Variants in CDH4 observed in about 807,000 individuals in gnomAD.
CDH4 encodes cadherin 4.
Under a neutral mutation model 86.0 loss-of-function variants are expected in CDH4, and 33 were observed. The observed-to-expected ratio is 0.38, with a 90% CI of 0.29 to 0.51. CDH4 has a LOEUF of 0.51. Ranked by LOEUF, CDH4 falls within the 20% of genes least tolerant of loss-of-function variation. The probability of loss-of-function intolerance (pLI) is 0.86; values close to 1 mark genes in which losing one functional copy is unlikely to be tolerated. For synonymous variants in CDH4, 555 were observed against 549.4 expected, an observed-to-expected ratio of 1.01 and a Z score of -0.14; for missense variants, 1,114 against 1,307.4, an observed-to-expected ratio of 0.85 and a Z score of 2.28.
chr20:61,383,037 G>C (rs1407408240), intron 2 of CDH4, among the ~76,000 whole-genome samples: 1 of 140,412 alleles, frequency 7.1e-6, no homozygotes, highest in Non-Finnish European at 1.5e-5. Flanking sequence ...TTCTCTAGAG[G>C]GACAGAACTA....
intron 2 of CDH4, among the ~76,000 whole-genome samples, chr20:61,443,665 A>G (rs1258451176): frequency 6.6e-6 from 1 of 152,196 alleles, no homozygotes; most frequent in Non-Finnish European, 1.5e-5. Context: ...TTGAGAGAAG[A>G]CTGCTGGCTA....
chr20:61,513,888 C>G (rs1242802042), intron 2 of CDH4, among the ~76,000 whole-genome samples: 1 of 152,150 alleles, frequency 6.6e-6, no homozygotes, highest in Admixed American at 6.5e-5. Context: ...ATCTGGGGTC[C>G]ACTTGCCCAG....
intron 2 of CDH4, among the ~76,000 whole-genome samples, chr20:61,443,964 G>GCATC (rs1344920130): frequency 8.3e-5 from 7 of 84,616 alleles, no homozygotes; most frequent in Admixed American, 1.2e-4. Context: ...GTCTGTGTGT[G>GCATC]TATCTGTGTG....
At position 61,480,295 on chromosome 20, in the gene CDH4, C is replaced by T. The variant is rs1215732072; in HGVS notation, c.169+225358C>T. 6.6e-6 allele frequency among the ~76,000 whole-genome samples: 1 copy of T among 152,140 alleles called. No individual in the cohort carries two copies. Among genetic ancestry groups the T allele is most frequent in the Non-Finnish European group, 1.5e-5 (1 of 68,016 alleles). ...CAAGCGGAAGCCGGGGCAGCTGTGG[C>T]GCCCCCTGGCTGTGTCCTCTGCTTG... On this transcript the variant is annotated intron_variant, in intron 2 of 15. Transcript: ENST00000614565. The surrounding 1 kb of genome is among the most constrained non-coding windows in gnomAD (Gnocchi z 5.2).
chr20:61,590,034 G>T (rs1409214910), intron 2 of CDH4, among the ~76,000 whole-genome samples: 1 of 152,064 alleles, frequency 6.6e-6, no homozygotes, highest in East Asian at 1.9e-4. Context: ...GGCCCTGGGT[G>T]GGGAAGGACT....
chr20:61,694,994 C>T (rs1445273372), intron 2 of CDH4, among the ~76,000 whole-genome samples: 3 of 152,186 alleles, frequency 2.0e-5, no homozygotes, highest in East Asian at 1.9e-4. Flanking sequence ...CAGCATATGG[C>T]ATGAAGTAGG....
chr20:61,441,236 G>A (rs1454292570), intron 2 of CDH4, among the ~76,000 whole-genome samples: 2 of 152,186 alleles, frequency 1.3e-5, no homozygotes, highest in East Asian at 3.9e-4. Context: ...TCTTGGAAGA[G>A]TAACAAGAGA....
rs1039462555 is a variant in CDH4, at chr20:61,708,557, G to GC, written c.170-35000dup. ...CGTAGCCGGTGGCTGCAGGCTCTTT[G>GC]CCCCCCACTTCCCCAGCCCTGCTCC... On this transcript the variant is annotated intron_variant, in intron 2 of 15. Transcript: ENST00000614565. This position sits in a 1 kb window ranked among gnomAD's most constrained non-coding sequence, Gnocchi z 4.5. 2.0e-5 allele frequency among the ~76,000 whole-genome samples: 3 copies of GC among 152,054 alleles called. No individual in the cohort carries two copies. Among genetic ancestry groups the GC allele is most frequent in the Admixed American group, 2.0e-4 (3 of 15,278 alleles).
chr20:61,686,667 A>G (rs914205463), intron 2 of CDH4, among the ~76,000 whole-genome samples: 3 of 133,798 alleles, frequency 2.2e-5, no homozygotes, highest in Non-Finnish European at 4.8e-5. Context: ...ATTCGCGTGT[A>G]TGTGCGTGTG....
chr20:61,478,501 G>T (rs1477970391), intron 2 of CDH4, among the ~76,000 whole-genome samples: 5 of 152,204 alleles, frequency 3.3e-5, no homozygotes, highest in Admixed American at 3.3e-4. Context: ...ACACATGTGT[G>T]TCCAGTGTAG....
chr20:61,714,298 A>G (rs1356882159), intron 2 of CDH4, among the ~76,000 whole-genome samples: 1 of 152,070 alleles, frequency 6.6e-6, no homozygotes, highest in South Asian at 2.1e-4. Context: ...CGCCCGCCTC[A>G]GCTTCCCAAA....
chr20:61,865,907 TTAG>T (rs1983528002), intron 6 of CDH4, among the ~76,000 whole-genome samples: 1 of 149,186 alleles, frequency 6.7e-6, no homozygotes, highest in Non-Finnish European at 1.5e-5. Context: ...AGGTAATGGC[TTAG>T]TTTCCTGGGC....
intron 2 of CDH4, among the ~76,000 whole-genome samples, chr20:61,401,351 G>T (rs555863894): frequency 6.6e-5 from 10 of 151,888 alleles, no homozygotes; most frequent in Non-Finnish European, 1.5e-4. Flanking sequence ...TCCCTGTTGT[G>T]CGTTGAACTA....
intron 2 of CDH4, among the ~76,000 whole-genome samples, chr20:61,563,342 A>G (rs1568687154): frequency 6.6e-6 from 1 of 152,206 alleles, no homozygotes; most frequent in Non-Finnish European, 1.5e-5. Flanking sequence ...GGGAAGAAGG[A>G]CCCTTGTAGG....
chr20:61,907,481 T>A (rs2054802617), intron 8 of CDH4, among the ~76,000 whole-genome samples: 1 of 152,162 alleles, frequency 6.6e-6, no homozygotes, highest in Non-Finnish European at 1.5e-5. Context: ...CCCCAGAACA[T>A]ATGGATCTCC....
At chr20:61,432,267 C>T (rs1055957475) in intron 2 of CDH4, among the ~76,000 whole-genome samples, 5 of 152,196 alleles carry the variant, frequency 3.3e-5, no homozygotes, top group African/African-American at 1.2e-4. Context: ...GTGTGTGGCT[C>T]CAGTTCCTCC....
intron 2 of CDH4, among the ~76,000 whole-genome samples, chr20:61,396,090 C>T (rs772388141): frequency 8.5e-5 from 13 of 152,280 alleles, no homozygotes; most frequent in Admixed American, 2.6e-4. Flanking sequence ...GCCCATCCGT[C>T]GTGCCGTCTT....
intron 2 of CDH4, among the ~76,000 whole-genome samples, chr20:61,531,495 A>AG (rs772213513): frequency 1.1e-5 from 1 of 89,026 alleles, no homozygotes; most frequent in Non-Finnish European, 1.9e-5. Context: ...AAAAAAAAAA[A>AG]GGGATTTAGC....
chr20:61,515,434 T>C (rs2085811760), intron 2 of CDH4, among the ~76,000 whole-genome samples: 1 of 152,208 alleles, frequency 6.6e-6, no homozygotes, highest in African/African-American at 2.4e-5. Flanking sequence ...TAGATCCTGG[T>C]TTTCCCTGGA....
Sources: allele counts gnomAD v4.1 joint callset (sites outside exome capture counted in the v4.1 genomes callset), GRCh38; gene constraint gnomAD v4.1.1; non-coding constraint Gnocchi (gnomAD v3.1); transcripts MANE v1.5; gene names NCBI Gene and HGNC (gene_info 2026-07-23, HGNC 2026-07-21).